DSCAM: variants seen among roughly 807,000 people sequenced by gnomAD.
The protein encoded by DSCAM is cell adhesion molecule DSCAM.
Under a neutral mutation model 217.7 loss-of-function variants are expected in DSCAM, and 47 were observed. That is an observed-to-expected ratio of 0.22 (90% CI 0.17 to 0.28). The LOEUF (loss-of-function observed/expected upper bound fraction) is 0.28, where lower values mean the gene tolerates loss of function less well. Ranked by LOEUF, DSCAM falls within the 10% of genes least tolerant of loss-of-function variation. The pLI is 1.00. For synonymous variants in DSCAM, 1,056 were observed against 1,015.3 expected, an observed-to-expected ratio of 1.04 and a Z score of -0.76; for missense variants, 2,080 against 2,618.3, an observed-to-expected ratio of 0.79 and a Z score of 4.49.
intron 3 of DSCAM, among the ~76,000 whole-genome samples, chr21:40,597,883 C>T (rs2077033885): frequency 6.6e-6 from 1 of 152,136 alleles, no homozygotes; most frequent in Non-Finnish European, 1.5e-5. Flanking sequence ...TGCACTGTCC[C>T]CTGCCACTCC....
At chr21:40,696,481 C>T (rs1267549450) in intron 2 of DSCAM, among the ~76,000 whole-genome samples, 1 of 152,164 alleles carries the variant, frequency 6.6e-6, no homozygotes, top group Non-Finnish European at 1.5e-5. Context: ...CCTGTTGTAG[C>T]TGTCTGTCAT....
At chr21:40,277,404 T>C (rs2073701454) in intron 10 of DSCAM, among the ~76,000 whole-genome samples, 1 of 152,136 alleles carries the variant, frequency 6.6e-6, no homozygotes, top group African/African-American at 2.4e-5. Context: ...ACTTGTGTAT[T>C]GGTCTCACTC....
At chr21:40,201,137 A>G (rs1002959716) in intron 11 of DSCAM, among the ~76,000 whole-genome samples, 1 of 152,196 alleles carries the variant, frequency 6.6e-6, no homozygotes, top group Non-Finnish European at 1.5e-5. Flanking sequence ...AAGCTTGAAC[A>G]AGAATGACAA....
intron 3 of DSCAM, among the ~76,000 whole-genome samples, chr21:40,660,832 A>G (rs945805534): frequency 6.6e-6 from 1 of 152,222 alleles, no homozygotes; most frequent in African/African-American, 2.4e-5. Flanking sequence ...TCAACCGACA[A>G]TAACAGAAAT....
intron 5 of DSCAM, among the ~76,000 whole-genome samples, chr21:40,351,796 G>A (rs1477023132): frequency 1.3e-5 from 2 of 152,194 alleles, no homozygotes; most frequent in East Asian, 1.9e-4. Context: ...AACGCCTTTA[G>A]AGAGAAAGCA....
chr21:40,374,212 T>C (rs1343447802), intron 3 of DSCAM, among the ~76,000 whole-genome samples: 1 of 152,076 alleles, frequency 6.6e-6, no homozygotes, highest in Non-Finnish European at 1.5e-5. Flanking sequence ...TTGAAAAAAA[T>C]ATTAATAAAT....
chr21:40,371,320 A>G (rs2074896085), intron 3 of DSCAM, among the ~76,000 whole-genome samples: 1 of 152,188 alleles, frequency 6.6e-6, no homozygotes, highest in Admixed American at 6.5e-5. Context: ...CACATTGTGT[A>G]TAATGGAAAC....
At chr21:40,046,337 C>G (rs2146485765) in intron 30 of DSCAM, among the ~76,000 whole-genome samples, 1 of 152,312 alleles carries the variant, frequency 6.6e-6, no homozygotes. Context: ...TCAGAATACT[C>G]AATCTTGGTA....
chr21:40,796,644 G>A (rs1360540381), intron 1 of DSCAM, among the ~76,000 whole-genome samples: 1 of 152,108 alleles, frequency 6.6e-6, no homozygotes, highest in Non-Finnish European at 1.5e-5. Context: ...CTCAAAGTAT[G>A]GTCCATGGAC....
At chr21:40,785,797 C>A (rs1258288683) in intron 1 of DSCAM, among the ~76,000 whole-genome samples, 1 of 152,240 alleles carries the variant, frequency 6.6e-6, no homozygotes, top group Non-Finnish European at 1.5e-5. Context: ...TCTGCCTCCT[C>A]AGAGAATTTA....
chr21:40,734,687 A>C (rs1259382248), intron 1 of DSCAM, among the ~76,000 whole-genome samples: 1 of 152,232 alleles, frequency 6.6e-6, no homozygotes, highest in Non-Finnish European at 1.5e-5. Context: ...CCATCCCACC[A>C]TTCCAGCCAG....
At chr21:40,557,614 C>G (rs1016105929) in intron 3 of DSCAM, among the ~76,000 whole-genome samples, 1 of 152,164 alleles carries the variant, frequency 6.6e-6, no homozygotes, top group Non-Finnish European at 1.5e-5. Context: ...AGATGACAGG[C>G]GTGAGCCACC....
At chr21:40,643,126 T>C (rs1601816749) in intron 3 of DSCAM, among the ~76,000 whole-genome samples, 1 of 152,120 alleles carries the variant, frequency 6.6e-6, no homozygotes, top group Admixed American at 6.5e-5. Context: ...TATGATAAAA[T>C]TCCAGAGTGC....
In DSCAM at chr21:40,055,726, A is replaced by G; in HGVS notation, c.5034T>C (p.Ile1678=). The change falls in exon 29 of 33, where the codon ATT becomes ATC. Residue 1678 remains isoleucine (I), a splice_region_variant and synonymous_variant. Coordinates refer to ENST00000400454, the MANE Select transcript of DSCAM (RefSeq NM_001389.5). The part of the protein sequence containing the change: ...LIEERDTMET[I]DDRSTVLLTD... Reference sequence around the variant, plus strand: ...AAAGTGGCAAATAGGGCAGCTTACCAATGGTCTCCATCGTGTCTCTCTCTT... The same window carrying G: ...AAAGTGGCAAATAGGGCAGCTTACCGATGGTCTCCATCGTGTCTCTCTCTT... 6.2e-7 allele frequency: 1 copy of G among 1,610,558 alleles called. No homozygotes were observed. The highest frequency in any genetic ancestry group is 1.1e-5 in the South Asian group (1 of 90,938).
Position 40,055,824 on chromosome 21 carries a change from A to T in DSCAM, c.4936T>A (p.Ser1646Thr). The stretch of plus-strand genomic sequence containing the variant: ...TGCTGTTGCTTGCTTAACGTATCTG[A>T]AGTCCGGGTATTCTTACTGGGAATA... ...EMLMSKNTRTSDTLSKQQQTL... is the reference protein window; with the variant it reads ...EMLMSKNTRTTDTLSKQQQTL... The change falls in exon 29 of 33, where the codon TCA (serine) becomes ACA (threonine). Residue 1646 changes from serine to threonine, a missense_variant. Physicochemically the swap from Ser to Thr is moderately conservative, Grantham distance 58 (BLOSUM62 1). Coordinates refer to ENST00000400454, the MANE Select transcript of DSCAM (RefSeq NM_001389.5). The T allele has an allele frequency of 6.2e-7, 1 of 1,613,288 alleles. No individual in the cohort carries two copies. The highest frequency in any genetic ancestry group is 1.1e-5 in the South Asian group (1 of 91,046).
At chr21:40,428,145 A>G (rs1206639025) in intron 3 of DSCAM, among the ~76,000 whole-genome samples, 1 of 152,050 alleles carries the variant, frequency 6.6e-6, no homozygotes, top group Non-Finnish European at 1.5e-5. Flanking sequence ...CATCTGTCTT[A>G]ACCCTAATAT....
In DSCAM at chr21:40,347,587, C is replaced by G; in HGVS notation, c.1210+83G>C. On this transcript the variant is annotated intron_variant, in intron 6 of 32. Coordinates refer to ENST00000400454, the MANE Select transcript of DSCAM (RefSeq NM_001389.5). ...AGAGCCTAGAACTGAGCGATCAGCA[C>G]TGCTTCACCCTGTCTTCTTCTTTTC... The G allele has an allele frequency of 2.5e-6, 4 of 1,574,192 alleles. No individual in the cohort carries two copies. In the South Asian group the frequency reaches 3.5e-5, roughly 14 times the overall value.
At chr21:40,250,415 T>C in intron 11 of DSCAM, among the ~76,000 whole-genome samples, 1 of 152,232 alleles carries the variant, frequency 6.6e-6, no homozygotes. Context: ...CACTATGTGG[T>C]AAGCTGCAGA....
chr21:40,246,980 C>T (rs549263745), intron 11 of DSCAM, among the ~76,000 whole-genome samples: 9 of 151,984 alleles, frequency 5.9e-5, no homozygotes, highest in East Asian at 3.9e-4. Context: ...CATCATGGGG[C>T]GCAGGGAAAG....
Sources: gnomAD v4.1 joint callset for allele counts (sites outside exome capture counted in the v4.1 genomes callset) on GRCh38, gnomAD v4.1.1 for gene constraint, MANE v1.5 for transcripts, NCBI Gene and HGNC (gene_info 2026-07-23, HGNC 2026-07-21) for gene names.